Variants in CEP104 observed in about 807,000 individuals in gnomAD.
The protein encoded by CEP104 is centrosomal protein 104.
Under a neutral mutation model 113.3 loss-of-function variants are expected in CEP104, and 84 were observed. That is an observed-to-expected ratio of 0.74 (90% CI 0.62 to 0.89). The LOEUF is 0.89. Ranked by LOEUF, CEP104 falls within the 40% of genes least tolerant of loss-of-function variation. CEP104 has a pLI of 0.00. For synonymous variants in CEP104, 378 were observed against 421.7 expected (o/e 0.90, Z 1.27); for missense variants, 1,053 against 1,156.6 (o/e 0.91, Z 1.30).
intron 20 of CEP104, among the ~76,000 whole-genome samples, chr1:3,821,665 C>T (rs1643975117): frequency 6.6e-6 from 1 of 152,200 alleles, no homozygotes; most frequent in African/African-American, 2.4e-5. Context: ...GTGAAGCGGC[C>T]ACACTCACAC....
chr1:3,847,657 C>T (rs1644532821), intron 3 of CEP104, 44 bp from the exon 4 acceptor site: 1 of 1,604,486 alleles, frequency 6.2e-7, no homozygotes, highest in Non-Finnish European at 8.5e-7. Context: ...ATGTGCTGTT[C>T]AATAAAACTG....
At chr1:3,840,492 C>G (rs1644392844) in intron 6 of CEP104, among the ~76,000 whole-genome samples, 1 of 152,184 alleles carries the variant, frequency 6.6e-6, no homozygotes, top group Non-Finnish European at 1.5e-5. Flanking sequence ...CCAGTCTCAG[C>G]CTCCCAAAGT....
chr1:3,843,376 A>T (rs578149347), intron 6 of CEP104: 6,450 of 341,956 alleles, frequency 0.019, 83 homozygotes, highest in East Asian at 0.081. Flanking sequence ...AATATGTATA[A>T]TTTTTTTTTT....
At chr1:3,827,046 G>C (rs1020592498) in intron 15 of CEP104, among the ~76,000 whole-genome samples, 1 of 152,070 alleles carries the variant, frequency 6.6e-6, no homozygotes, top group African/African-American at 2.4e-5. Context: ...CAGCTACTCA[G>C]GAGGCTGGGG....
Position 3,823,677 on chromosome 1 carries a change from C to A in CEP104, c.2365-115G>T. ...CCCAGGGAGGTCTGTGCCGCCTGCA[C>A]ATGAAGTAAGCCACAGGCTTCTATC... On this transcript the variant is annotated intron_variant, in intron 18 of 21. Coordinates refer to ENST00000378230, the MANE Select transcript of CEP104 (RefSeq NM_014704.4). The surrounding 1 kb of genome is among the most constrained non-coding windows in gnomAD (Gnocchi z 4.1). The A allele has an allele frequency of 8.0e-7, 1 of 1,248,810 alleles. No individual in the cohort carries two copies. The highest frequency in any genetic ancestry group is 1.1e-6 in the Non-Finnish European group (1 of 879,762). 77.4% of individuals were successfully genotyped at this position (1,248,810 alleles called of 1,614,324 possible).
At chr1:3,831,346 C>G in intron 12 of CEP104, 124 bp from the exon 13 acceptor site, 2 of 781,572 alleles carry the variant, frequency 2.6e-6, no homozygotes, top group Non-Finnish European at 4.2e-6. Context: ...TTGATAGTGA[C>G]AAGGAGCAAT....
chr1:3,821,214 G>A (rs1643966627), intron 20 of CEP104, among the ~76,000 whole-genome samples: 1 of 152,234 alleles, frequency 6.6e-6, no homozygotes, highest in Non-Finnish European at 1.5e-5. Flanking sequence ...CTGAGGCTGC[G>A]TGGCTCTCAT....
chr1:3,831,711 A>G lies in CEP104; in HGVS notation c.1660-489T>C, dbSNP rs79534103. On this transcript the variant is annotated intron_variant, in intron 12 of 21. Transcript: ENST00000378230. ...CCATTACATATTTGAATGTCTCTAA[A>G]CAAACAAGTCTTTACGTAATTAAGA... Among the ~76,000 whole-genome samples the G allele has an allele frequency of 6.0e-3, 911 of 152,390 alleles. 10 individuals carry two copies. Among genetic ancestry groups the G allele is most frequent in the African/African-American group, 0.02 (848 of 41,604 alleles).
rs572022992 is a variant in CEP104, at chr1:3,852,384, T to C, written c.24A>G (p.Val8=). MPHKIGF[V]VVSSSGHEDG... is the part of the protein sequence containing the mutation. ...CTTCGTGTCCAGATGAGCTGACGAC[T>C]ACAAATCCAATCTTGTGGGGCATTC... is the stretch of plus-strand genomic sequence containing the variant. The change falls in exon 2 of 22, where the codon GTA becomes GTG. Residue 8 remains valine, a synonymous_variant. Coordinates refer to ENST00000378230, the MANE Select transcript of CEP104 (RefSeq NM_014704.4). 1.7e-5 allele frequency: 27 copies of C among 1,614,052 alleles called. No individual in the cohort carries two copies. The African/African-American group carries it at 3.3e-4, about 20-fold the overall frequency.
intron 6 of CEP104, among the ~76,000 whole-genome samples, chr1:3,842,124 G>C (rs1054239823): frequency 2.0e-5 from 3 of 152,214 alleles, no homozygotes; most frequent in Non-Finnish European, 4.4e-5. Context: ...TCTCGCTCTT[G>C]TCGCCCAGGC....
At chr1:3,850,131 G>C (rs1024766007) in intron 2 of CEP104, among the ~76,000 whole-genome samples, 12 of 152,188 alleles carry the variant, frequency 7.9e-5, no homozygotes, top group African/African-American at 2.2e-4. Flanking sequence ...CTAGGTGTTC[G>C]ATGAAATCGA....
intron 4 of CEP104, among the ~76,000 whole-genome samples, chr1:3,846,730 C>T (rs1251294100): frequency 2.0e-5 from 3 of 152,126 alleles, no homozygotes; most frequent in African/African-American, 7.2e-5. Context: ...GCGCTCTTGT[C>T]CAGCTCACCC....
At chr1:3,833,729 G>C in intron 12 of CEP104, 133 bp downstream of exon 12, 1 of 803,114 alleles carries the variant, frequency 1.2e-6, no homozygotes, top group South Asian at 2.1e-5. Flanking sequence ...CATAAGGAAA[G>C]TGTGATGGTG....
At chr1:3,848,097 A>G (rs188130751) in intron 3 of CEP104, among the ~76,000 whole-genome samples, 1 of 152,146 alleles carries the variant, frequency 6.6e-6, no homozygotes, top group Non-Finnish European at 1.5e-5. Context: ...TGAAAAGTAG[A>G]GTTGAATAGC....
chr1:3,815,591 C>T, intron 21 of CEP104, 74 bp from the exon 22 acceptor site: 1 of 1,062,004 alleles, frequency 9.4e-7, no homozygotes. Flanking sequence ...CCTGTGGCCA[C>T]AGACACCCAG....
rs754348247 is a variant in CEP104 at position 3,826,736 on chromosome 1, T to C, written c.2160A>G (p.Glu720=). The change falls in exon 16 of 22, where the codon GAA becomes GAG. Residue 720 remains glutamate (E), a synonymous_variant. Transcript: ENST00000378230. ...GATTCTTTGGCTTCACAGCATCACT[T>C]TCTTTTTCCTAAGACACAGAAACAG... is the stretch of plus-strand genomic sequence containing the variant. ...KEIQAEVQEK[E]SDAVKPKNQD... is the part of the protein sequence containing the mutation. 1.2e-6 allele frequency: 2 copies of C among 1,614,162 alleles called. No individual in the cohort carries two copies. Among genetic ancestry groups the C allele is most frequent in the Admixed American group, 3.3e-5 (2 of 60,032 alleles).
At position 3,852,498 on chromosome 1, in the gene CEP104, T is replaced by G. The variant is rs1337121251; in HGVS notation, c.-14-77A>C. 6 of 1,346,730 alleles carry G rather than the reference T, an allele frequency of 4.5e-6. No individual in the cohort carries two copies. The East Asian group carries it at 1.2e-4, about 28-fold the overall frequency. The allele number at this position is 1,346,730 out of a possible 1,614,324, so 83.4% of individuals were successfully genotyped here. On this transcript the variant is annotated intron_variant, in intron 1 of 21. Transcript: ENST00000378230. ...CATGGACATTTAAAGGGTTGGTTCA[T>G]GCCTTGCTAACACACACAATAATGC...
Position 3,817,277 on chromosome 1 carries a change from G to C in CEP104, c.2572-907C>G, listed in dbSNP as rs556696718. On this transcript the variant is annotated intron_variant, in intron 20 of 21. Transcript: ENST00000378230. ...GAATTGCTTGAACGTGAGAGGCGGA[G>C]GTTGCAGTGAGCCGAGATCACATCA... is the stretch of plus-strand genomic sequence containing the variant. Among the ~76,000 whole-genome samples the C allele has an allele frequency of 5.3e-5, 8 of 152,250 alleles. No individual in the cohort carries two copies. In the East Asian group the frequency reaches 1.4e-3, roughly 26 times the overall value.
chr1:3,845,181 A>T, intron 5 of CEP104, 108 bp downstream of exon 5: 1 of 906,000 alleles, frequency 1.1e-6, no homozygotes, highest in Non-Finnish European at 1.7e-6. Flanking sequence ...TTCACTAGTC[A>T]ATTTTATGCA....
Sources: gnomAD v4.1 joint callset for allele counts (sites outside exome capture counted in the v4.1 genomes callset) on GRCh38, gnomAD v4.1.1 for gene constraint, Gnocchi (gnomAD v3.1) non-coding constraint, MANE v1.5 for transcripts, NCBI Gene and HGNC (gene_info 2026-07-23, HGNC 2026-07-21) for gene names.